ADAM12: variants seen among roughly 807,000 people sequenced by gnomAD.
ADAM12 encodes disintegrin and metalloproteinase domain-containing protein 12.
In ADAM12, 70 loss-of-function variants were observed where a neutral mutation model predicts 106.4. That is an observed-to-expected ratio of 0.66 (90% CI 0.54 to 0.80). The LOEUF is 0.80. Among genes scored for constraint, ADAM12 ranks in the 30% least tolerant of loss-of-function variants. The pLI, the probability that ADAM12 is intolerant of heterozygous loss-of-function variation, is 0.00. For missense variants in ADAM12, 1,010 were observed against 1,171.9 expected (o/e 0.86, Z 2.02); for synonymous variants, 420 against 433.5 (o/e 0.97, Z 0.39).
intron 3 of ADAM12, among the ~76,000 whole-genome samples, chr10:126,155,511 G>A (rs116320685): frequency 9.1e-4 from 139 of 151,978 alleles, no homozygotes; most frequent in African/African-American, 3.3e-3. Flanking sequence ...AGTCAGATAT[G>A]CATCCTCGGA....
At chr10:126,262,405 T>C (rs1238435029) in intron 3 of ADAM12, among the ~76,000 whole-genome samples, 7 of 152,148 alleles carry the variant, frequency 4.6e-5, no homozygotes, top group African/African-American at 1.4e-4. Flanking sequence ...CCACTTTCCT[T>C]AAACTCATTC....
intron 2 of ADAM12, among the ~76,000 whole-genome samples, chr10:126,297,110 G>A (rs1590747613): frequency 6.6e-6 from 1 of 152,286 alleles, no homozygotes; most frequent in East Asian, 1.9e-4. Flanking sequence ...TTAAAAATGT[G>A]CATAGCTTTG....
intron 2 of ADAM12, among the ~76,000 whole-genome samples, chr10:126,286,783 A>G (rs899546462): frequency 3.9e-5 from 6 of 152,182 alleles, no homozygotes; most frequent in Non-Finnish European, 5.9e-5. Flanking sequence ...AATAATGATA[A>G]TGTTTATTCT....
chr10:126,220,969 C>T (rs963992649), intron 3 of ADAM12, among the ~76,000 whole-genome samples: 5 of 152,242 alleles, frequency 3.3e-5, no homozygotes, highest in Non-Finnish European at 7.3e-5. Flanking sequence ...GATCCCACCC[C>T]GTTAGGGGAC....
chr10:126,266,010 A>T (rs541254007), intron 3 of ADAM12, among the ~76,000 whole-genome samples: 12 of 152,338 alleles, frequency 7.9e-5, no homozygotes, highest in African/African-American at 2.9e-4. Flanking sequence ...TACATATGTC[A>T]GAATTTGCAG....
intron 1 of ADAM12, among the ~76,000 whole-genome samples, chr10:126,380,602 A>T (rs1204742510): frequency 1.3e-5 from 2 of 152,168 alleles, no homozygotes; most frequent in African/African-American, 4.8e-5. Context: ...CACTCGACAA[A>T]CTCCTTTTTA....
intron 2 of ADAM12, among the ~76,000 whole-genome samples, chr10:126,312,358 T>C (rs1473554381): frequency 6.6e-6 from 1 of 152,144 alleles, no homozygotes; most frequent in African/African-American, 2.4e-5. Flanking sequence ...CTGGGTTCTG[T>C]CTTCCACAAG....
chr10:126,054,692 G>A (rs190479417), intron 14 of ADAM12, among the ~76,000 whole-genome samples: 2 of 152,306 alleles, frequency 1.3e-5, no homozygotes, highest in African/African-American at 4.8e-5. Context: ...ACAAGCTCTC[G>A]AGGTTCTGTC....
chr10:126,077,341 C>A (rs940311925), intron 11 of ADAM12, among the ~76,000 whole-genome samples: 18 of 152,012 alleles, frequency 1.2e-4, no homozygotes, highest in African/African-American at 4.4e-4. Context: ...AAGCAATGTA[C>A]AGATTACAAT....
At chr10:126,367,003 A>G (rs568801771) in intron 1 of ADAM12, among the ~76,000 whole-genome samples, 1 of 152,246 alleles carries the variant, frequency 6.6e-6, no homozygotes, top group African/African-American at 2.4e-5. Context: ...TCTCCCAATA[A>G]TTGATAGAAA....
chr10:126,368,367 T>G (rs968599404), intron 1 of ADAM12, among the ~76,000 whole-genome samples: 6 of 151,358 alleles, frequency 4.0e-5, no homozygotes, highest in African/African-American at 1.4e-4. Context: ...TTTTTTTTTT[T>G]TTTTTTTTTA....
chr10:126,165,735 C>T (rs1002687801), intron 3 of ADAM12, among the ~76,000 whole-genome samples: 11 of 152,174 alleles, frequency 7.2e-5, no homozygotes, highest in Non-Finnish European at 1.5e-4. Context: ...AACCAAATTC[C>T]GTATTTTTCT....
At chr10:126,089,138 CA>C (rs1461708495) in intron 11 of ADAM12, among the ~76,000 whole-genome samples, 1 of 152,168 alleles carries the variant, frequency 6.6e-6, no homozygotes, top group Non-Finnish European at 1.5e-5. Flanking sequence ...CAGACAGGCC[CA>C]AACTCCTGAT....
In ADAM12 at chr10:126,049,782, G is replaced by C; in HGVS notation, c.1610-113C>G. On this transcript the variant is annotated intron_variant, in intron 14 of 22. Transcript: ENST00000448723. The surrounding 1 kb of genome is among the most constrained non-coding windows in gnomAD (Gnocchi z 4.4). ...GACGTGCTCAAAGCAATCACACCCA[G>C]TGTCTGTCCCGACTCATGGTGGGAG... is the stretch of plus-strand genomic sequence containing the variant. The C allele has an allele frequency of 1.1e-6, 1 of 943,952 alleles. No homozygotes were observed. Among genetic ancestry groups the C allele is most frequent in the Admixed American group, 2.4e-5 (1 of 41,686 alleles). The allele number at this position is 943,952 out of a possible 1,614,324, so 58.5% of individuals were successfully genotyped here.
intron 1 of ADAM12, among the ~76,000 whole-genome samples, chr10:126,375,781 TCTCA>T (rs1216513562): frequency 6.7e-6 from 1 of 149,568 alleles, no homozygotes; most frequent in African/African-American, 2.5e-5. Flanking sequence ...AGGGTCAGGG[TCTCA>T]CTGTGTCTCC....
At chr10:126,317,364 T>C (rs1853915564) in intron 2 of ADAM12, among the ~76,000 whole-genome samples, 1 of 152,214 alleles carries the variant, frequency 6.6e-6, no homozygotes, top group African/African-American at 2.4e-5. Context: ...ACCAAATCTT[T>C]AAACAATATG....
chr10:126,130,338 C>T (rs889966880), intron 5 of ADAM12, among the ~76,000 whole-genome samples: 9 of 152,092 alleles, frequency 5.9e-5, no homozygotes, highest in South Asian at 2.1e-4. Context: ...TGTTGATGCA[C>T]GGTCTGCTGC....
At chr10:126,289,425 C>T (rs1960043533) in intron 2 of ADAM12, among the ~76,000 whole-genome samples, 1 of 152,226 alleles carries the variant, frequency 6.6e-6, no homozygotes, top group African/African-American at 2.4e-5. Flanking sequence ...GTGCCATGTG[C>T]CTGGCATCCA....
At chr10:126,362,089 A>G (rs1315707864) in intron 1 of ADAM12, among the ~76,000 whole-genome samples, 1 of 152,218 alleles carries the variant, frequency 6.6e-6, no homozygotes, top group Non-Finnish European at 1.5e-5. Flanking sequence ...TTCTGTAGAA[A>G]GAAAACTATT....
Sources: gnomAD v4.1 joint callset for allele counts (sites outside exome capture counted in the v4.1 genomes callset) on GRCh38, gnomAD v4.1.1 for gene constraint, Gnocchi (gnomAD v3.1) non-coding constraint, MANE v1.5 for transcripts, NCBI Gene and HGNC (gene_info 2026-07-23, HGNC 2026-07-21) for gene names.